KIF26B: variants seen among roughly 807,000 people sequenced by gnomAD.
KIF26B encodes kinesin-like protein KIF26B.
KIF26B carries 63 observed loss-of-function variants against 151.2 expected under a neutral mutation model. The ratio of observed to expected loss-of-function variants is 0.42; its 90% CI spans 0.34 to 0.51. The LOEUF is 0.51. Ranked by LOEUF, KIF26B falls within the 20% of genes least tolerant of loss-of-function variation. The pLI is 0.07. For synonymous variants in KIF26B, 1,357 were observed against 1,262.1 expected, an observed-to-expected ratio of 1.08 and a Z score of -1.59; for missense variants, 2,813 against 2,913.6, an observed-to-expected ratio of 0.97 and a Z score of 0.79.
intron 3 of KIF26B, among the ~76,000 whole-genome samples, chr1:245,394,688 C>T (rs112070607): frequency 0.18 from 22,494 of 122,618 alleles, 2,845 homozygotes; most frequent in African/African-American, 0.4. Flanking sequence ...TTTTTTCTTT[C>T]TTTTTTTTTT....
intron 4 of KIF26B, among the ~76,000 whole-genome samples, chr1:245,451,585 CTTTTTTT>C (rs58192966): frequency 3.1e-4 from 18 of 58,748 alleles, no homozygotes; most frequent in East Asian, 1.8e-3. Context: ...GAAGATCTAT[CTTTTTTT>C]TTTTTTTTTT....
chr1:245,566,619 A>T (rs1221519991), intron 5 of KIF26B, among the ~76,000 whole-genome samples: 1 of 152,248 alleles, frequency 6.6e-6, no homozygotes, highest in Non-Finnish European at 1.5e-5. Flanking sequence ...TTTCAAGCGC[A>T]ACATGTTGAT....
At chr1:245,370,633 C>T (rs968602033) in intron 3 of KIF26B, 12 of 456,526 alleles carry the variant, frequency 2.6e-5, no homozygotes, top group Admixed American at 2.1e-4. Context: ...GGCGGCTGCG[C>T]CAGCGCTGAT....
intron 5 of KIF26B, among the ~76,000 whole-genome samples, chr1:245,596,936 T>C (rs2043341010): frequency 6.6e-6 from 1 of 152,218 alleles, no homozygotes; most frequent in Non-Finnish European, 1.5e-5. Context: ...GTCTGTTTTA[T>C]CAGACACTAC....
chr1:245,634,005 G>A (rs1316715188), intron 9 of KIF26B, among the ~76,000 whole-genome samples: 1 of 151,922 alleles, frequency 6.6e-6, no homozygotes, highest in African/African-American at 2.4e-5. Flanking sequence ...GTAGAGATGG[G>A]GTCTCACTAT....
intron 3 of KIF26B, among the ~76,000 whole-genome samples, chr1:245,395,944 A>T (rs984246613): frequency 1.3e-5 from 2 of 151,996 alleles, no homozygotes; most frequent in African/African-American, 4.8e-5. Flanking sequence ...ACAGGGGGGG[A>T]AATTTCTTCC....
chr1:245,612,817 C>T (rs746958081), intron 9 of KIF26B, among the ~76,000 whole-genome samples: 7 of 152,206 alleles, frequency 4.6e-5, no homozygotes, highest in South Asian at 2.1e-4. Context: ...AACCCAGGTA[C>T]GGTGCCTGCT....
At chr1:245,701,274 A>C (rs1286819625) in intron 14 of KIF26B, among the ~76,000 whole-genome samples, 2 of 152,218 alleles carry the variant, frequency 1.3e-5, no homozygotes, top group Admixed American at 1.3e-4. Flanking sequence ...CCTGCTGACT[A>C]TTCCCTGTGG....
chr1:245,427,947 G>T (rs1253895497), intron 4 of KIF26B, among the ~76,000 whole-genome samples: 1 of 152,158 alleles, frequency 6.6e-6, no homozygotes, highest in East Asian at 1.9e-4. Context: ...GCGCCCAATT[G>T]TAGGAGTGAG....
At chr1:245,416,114 A>C (rs1448758145) in intron 3 of KIF26B, among the ~76,000 whole-genome samples, 3 of 46,100 alleles carry the variant, frequency 6.5e-5, no homozygotes, top group East Asian at 8.3e-4. Context: ...TAAAAATACA[A>C]AAAAAAAAAA....
chr1:245,532,960 C>T (rs953566983), intron 4 of KIF26B, among the ~76,000 whole-genome samples: 1 of 152,170 alleles, frequency 6.6e-6, no homozygotes, highest in African/African-American at 2.4e-5. Flanking sequence ...CATAATAAAG[C>T]ATTAATGGTG....
intron 2 of KIF26B, among the ~76,000 whole-genome samples, chr1:245,260,488 G>A (rs1670612662): frequency 6.6e-6 from 1 of 152,186 alleles, no homozygotes; most frequent in South Asian, 2.1e-4. Flanking sequence ...CTAGGGAACT[G>A]GAAGGAATAA....
At chr1:245,636,235 T>C (rs1162715043) in intron 9 of KIF26B, among the ~76,000 whole-genome samples, 1 of 152,148 alleles carries the variant, frequency 6.6e-6, no homozygotes, top group Non-Finnish European at 1.5e-5. Flanking sequence ...AATTAAAGAC[T>C]TGTCTGTTTC....
Position 245,253,424 on chromosome 1 carries a change from G to A in KIF26B, c.465+96741G>A, listed in dbSNP as rs573596679. Among the ~76,000 whole-genome samples the A allele has an allele frequency of 2.8e-4, 43 of 152,162 alleles. No homozygotes were observed. The South Asian group carries it at 8.9e-3, about 32-fold the overall frequency. On this transcript the variant is annotated intron_variant, in intron 2 of 14. Coordinates refer to ENST00000407071, the MANE Select transcript of KIF26B (RefSeq NM_018012.4). ...TATTATTATTTTAAAATATATTGCTGGATTTGACTTGCTAACATTTCATTT... is the reference window on the plus strand; with the variant it reads ...TATTATTATTTTAAAATATATTGCTAGATTTGACTTGCTAACATTTCATTT...
intron 4 of KIF26B, among the ~76,000 whole-genome samples, chr1:245,428,523 C>G (rs1658700026): frequency 6.6e-6 from 1 of 152,138 alleles, no homozygotes; most frequent in Non-Finnish European, 1.5e-5. Flanking sequence ...TAAAACACCT[C>G]AAATAGATAA....
chr1:245,229,352 G>T (rs1489405875), intron 2 of KIF26B, among the ~76,000 whole-genome samples: 1 of 152,130 alleles, frequency 6.6e-6, no homozygotes, highest in East Asian at 1.9e-4. Flanking sequence ...TGCAAATTTT[G>T]CTTCCAAATG....
chr1:245,562,362 C>T (rs975925845), intron 5 of KIF26B, among the ~76,000 whole-genome samples: 1 of 152,144 alleles, frequency 6.6e-6, no homozygotes, highest in East Asian at 1.9e-4. Context: ...TAGGAGGACC[C>T]TCACATTGCT....
chr1:245,395,719 T>A (rs1673819119), intron 3 of KIF26B, among the ~76,000 whole-genome samples: 1 of 152,208 alleles, frequency 6.6e-6, no homozygotes. Flanking sequence ...CAATCTGATA[T>A]ACCCCCCAAA....
chr1:245,156,864 C>T lies in KIF26B; in HGVS notation c.465+181C>T, dbSNP rs868690250. 2.0e-5 allele frequency among the ~76,000 whole-genome samples: 3 copies of T among 152,204 alleles called. No individual in the cohort carries two copies. In the South Asian group the frequency reaches 6.2e-4, roughly 31 times the overall value. ...CACGCGGGGCGACCCATGCCCCTTC[C>T]TCAGCCAGGCCGCCCGGGGGGCAGG... On this transcript the variant is annotated intron_variant, in intron 2 of 14. Transcript: ENST00000407071.
Sources: allele counts gnomAD v4.1 joint callset (sites outside exome capture counted in the v4.1 genomes callset), GRCh38; gene constraint gnomAD v4.1.1; transcripts MANE v1.5; gene names NCBI Gene and HGNC (gene_info 2026-07-23, HGNC 2026-07-21).